TRAPPC9: variants seen among roughly 807,000 people sequenced by gnomAD.
TRAPPC9 encodes the protein trafficking protein particle complex subunit 9, also known as IKK2 binding protein.
A neutral mutation model predicts 124.0 loss-of-function variants in TRAPPC9; 83 were observed. The observed-to-expected ratio is 0.67, with a 90% CI of 0.56 to 0.80. The LOEUF (loss-of-function observed/expected upper bound fraction) is 0.80. TRAPPC9 is among the 30% of genes least tolerant of loss of function. The probability of loss-of-function intolerance (pLI) is 0.00; values close to 1 mark genes in which losing one functional copy is unlikely to be tolerated. For synonymous variants in TRAPPC9, 638 were observed against 617.5 expected (o/e 1.03, Z -0.49); for missense variants, 1,302 against 1,508.3 (o/e 0.86, Z 2.27).
intron 17 of TRAPPC9, among the ~76,000 whole-genome samples, chr8:140,116,926 T>C (rs1359636598): frequency 1.3e-5 from 2 of 150,732 alleles, no homozygotes; most frequent in Non-Finnish European, 3.0e-5. Context: ...CGGAGTTCAG[T>C]GAGTAGGCGG....
chr8:139,917,960 C>T (rs769156112), intron 19 of TRAPPC9, among the ~76,000 whole-genome samples: 17 of 152,206 alleles, frequency 1.1e-4, no homozygotes, highest in Non-Finnish European at 2.2e-4. Flanking sequence ...GCCAGAGGTC[C>T]GTTCTGCAAA....
chr8:140,074,142 C>T (rs927729982), intron 17 of TRAPPC9, among the ~76,000 whole-genome samples: 7 of 152,138 alleles, frequency 4.6e-5, no homozygotes, highest in East Asian at 3.9e-4. Flanking sequence ...TCAGACAGCA[C>T]GGAATGAGTA....
intron 17 of TRAPPC9, among the ~76,000 whole-genome samples, chr8:140,180,737 T>C (rs1212073816): frequency 1.3e-5 from 2 of 152,012 alleles, no homozygotes; most frequent in Non-Finnish European, 2.9e-5. Flanking sequence ...TCCAGGAGCA[T>C]TTTTTCCAAC....
chr8:140,035,094 T>C (rs549598643), intron 17 of TRAPPC9, among the ~76,000 whole-genome samples: 1 of 152,362 alleles, frequency 6.6e-6, no homozygotes, highest in East Asian at 1.9e-4. Flanking sequence ...TTTTAATAAA[T>C]GTAGTAAAAC....
intron 6 of TRAPPC9, 90 bp downstream of exon 6, chr8:140,405,485 TAA>T (rs1482442699): frequency 5.2e-6 from 7 of 1,356,084 alleles, no homozygotes; most frequent in African/African-American, 4.4e-5. Context: ...AATAAATAAT[TAA>T]GAGACACTGC....
Position 139,731,087 on chromosome 8 carries a change from C to A in TRAPPC9, c.3421G>T (p.Val1141Leu). The A allele has an allele frequency of 6.2e-7, 1 of 1,613,412 alleles. No homozygotes were observed. The highest frequency in any genetic ancestry group is 8.5e-7 in the Non-Finnish European group (1 of 1,180,002). ...CAGGCCTGCGCCTCCAGGGCACACA[C>A]GTGCACACTGGGCAGGCAGAACCAA... ...PSWFCLPSVH[V>L]CALEAQA The change falls in exon 23 of 23, where the codon GTG becomes TTG. Residue 1141 changes from valine to leucine, a missense_variant. By Grantham distance (32) the Val-to-Leu change is conservative. This residue lies in a region of TRAPPC9 where 640 missense variants were observed against 679.3 expected (regional missense o/e 0.94). Coordinates refer to ENST00000438773, the MANE Select transcript of TRAPPC9 (RefSeq NM_001160372.4).
chr8:140,287,714 C>G lies in TRAPPC9; in HGVS notation c.1875G>C (p.Val625=), dbSNP rs762010166. The G allele has an allele frequency of 3.1e-6, 5 of 1,614,062 alleles. No homozygotes were observed. The Admixed American group carries it at 8.3e-5, about 27-fold the overall frequency. ...GCGCCGCAGGGAGAGACTCGAACTCCACTCCGCTGGTGAGCAGCCCCTAAA... is the reference window on the plus strand; with the variant it reads ...GCGCCGCAGGGAGAGACTCGAACTCGACTCCGCTGGTGAGCAGCCCCTAAA... ...VENMGLLTSG[V]EFESLPAALS... Residue 625 remains valine (V), a synonymous_variant, in exon 13 of 23, where the codon GTG becomes GTC. Transcript: ENST00000438773.
At chr8:140,345,427 T>C (rs1258247957) in intron 9 of TRAPPC9, among the ~76,000 whole-genome samples, 1 of 152,148 alleles carries the variant, frequency 6.6e-6, no homozygotes, top group African/African-American at 2.4e-5. Context: ...CGGAAAATGA[T>C]GCCCGTCCCA....
chr8:140,286,373 A>G (rs1364361759), intron 13 of TRAPPC9, among the ~76,000 whole-genome samples: 1 of 152,156 alleles, frequency 6.6e-6, no homozygotes, highest in Non-Finnish European at 1.5e-5. Flanking sequence ...CAGTTGAGAG[A>G]TGTCAGGGGC....
chr8:140,278,107 C>CA (rs2065183320), intron 14 of TRAPPC9, among the ~76,000 whole-genome samples: 2 of 131,000 alleles, frequency 1.5e-5, no homozygotes, highest in Non-Finnish European at 3.4e-5. Flanking sequence ...AAGACAGGGA[C>CA]AAATTTTTTT....
chr8:140,075,557 C>A (rs1385198752), intron 17 of TRAPPC9, among the ~76,000 whole-genome samples: 2 of 152,210 alleles, frequency 1.3e-5, no homozygotes, highest in African/African-American at 2.4e-5. Flanking sequence ...GCCTTCGCTG[C>A]CGCCATATAA....
chr8:140,113,225 G>C (rs2060815458), intron 17 of TRAPPC9, among the ~76,000 whole-genome samples: 1 of 152,164 alleles, frequency 6.6e-6, no homozygotes, highest in Non-Finnish European at 1.5e-5. Context: ...CTGGACAGAG[G>C]GTGCTTCATT....
chr8:139,967,954 C>G (rs1421713234), intron 19 of TRAPPC9, among the ~76,000 whole-genome samples: 1 of 151,974 alleles, frequency 6.6e-6, no homozygotes, highest in African/African-American at 2.4e-5. Flanking sequence ...GTCTGGCGAA[C>G]ATGGTGAAAC....
At chr8:140,150,520 G>A (rs146753249) in intron 17 of TRAPPC9, among the ~76,000 whole-genome samples, 86 of 152,310 alleles carry the variant, frequency 5.6e-4, no homozygotes, top group African/African-American at 2.0e-3. Flanking sequence ...TTTTGTAGAT[G>A]AGGAAACTGA....
At chr8:140,404,520 G>A (rs962032584) in intron 6 of TRAPPC9, among the ~76,000 whole-genome samples, 5 of 152,086 alleles carry the variant, frequency 3.3e-5, no homozygotes, top group Admixed American at 1.3e-4. Context: ...AAGCAAGCAG[G>A]ATTTTAGAAA....
chr8:140,386,018 C>A (rs905676502), intron 7 of TRAPPC9, among the ~76,000 whole-genome samples: 2 of 152,134 alleles, frequency 1.3e-5, no homozygotes, highest in Non-Finnish European at 2.9e-5. Context: ...TCAATATATG[C>A]AAATCAATAA....
At chr8:139,945,543 CAAAAAAAAAAA>C (rs61528944) in intron 19 of TRAPPC9, among the ~76,000 whole-genome samples, 15 of 66,170 alleles carry the variant, frequency 2.3e-4, no homozygotes, top group African/African-American at 8.3e-4. Context: ...GCACAATTAG[CAAAAAAAAAAA>C]AAAAAAAAAA....
chr8:140,287,046 G>A (rs2065502901), intron 13 of TRAPPC9, among the ~76,000 whole-genome samples: 1 of 152,176 alleles, frequency 6.6e-6, no homozygotes, highest in Non-Finnish European at 1.5e-5. Flanking sequence ...AGCTAGAGCA[G>A]AGAGGCGGTA....
At chr8:139,988,587 G>A in intron 19 of TRAPPC9, 139 bp downstream of exon 19, 2 of 664,990 alleles carry the variant, frequency 3.0e-6, no homozygotes, top group Non-Finnish European at 5.4e-6. Context: ...AACTTGAATA[G>A]TCACTACGGT....
Sources: allele counts gnomAD v4.1 joint callset (sites outside exome capture counted in the v4.1 genomes callset), GRCh38; gene constraint gnomAD v4.1.1; regional missense constraint gnomAD v4.1.1; transcripts MANE v1.5; gene names NCBI Gene and HGNC (gene_info 2026-07-23, HGNC 2026-07-21).